LPIN3: variants seen among roughly 807,000 people sequenced by gnomAD.
LPIN3 encodes phosphatidate phosphatase LPIN3.
LPIN3 carries 82 observed loss-of-function variants against 94.7 expected under a neutral mutation model. The observed-to-expected ratio is 0.87, with a 90% CI of 0.72 to 1.04. The LOEUF (loss-of-function observed/expected upper bound fraction) is 1.04, where lower values mean the gene tolerates loss of function less well. LPIN3 is among the 50% of genes least tolerant of loss of function. LPIN3 has a pLI of 0.00. For synonymous variants in LPIN3, 418 were observed against 443.3 expected, an observed-to-expected ratio of 0.94 and a Z score of 0.72; for missense variants, 996 against 1,090.5, an observed-to-expected ratio of 0.91 and a Z score of 1.22.
At position 41,349,816 on chromosome 20, in the gene LPIN3, G is replaced by C. The variant is rs1262061283; in HGVS notation, c.681G>C (p.Glu227Asp). Residue 227 changes from glutamate (E) to aspartate (D), a missense_variant, in exon 6 of 20, where the codon GAG becomes GAC. By Grantham distance (45) the Glu-to-Asp change is conservative. Transcript: ENST00000373257. ...GELTSPKSDS[E>D]LEVRTPEPSP... ...TAACATCCCCTAAGAGCGACTCGGAGCTGGAGGTGCGGACCCCGGAGCCCA... is the reference window on the plus strand; with the variant it reads ...TAACATCCCCTAAGAGCGACTCGGACCTGGAGGTGCGGACCCCGGAGCCCA... 3 of 1,613,714 alleles carry C rather than the reference G, an allele frequency of 1.9e-6. No homozygotes were observed. The South Asian group carries it at 3.3e-5, about 18-fold the overall frequency.
chr20:41,357,148 G>A lies in LPIN3; in HGVS notation c.1912G>A (p.Asp638Asn), dbSNP rs776917907. 34 of 1,614,048 alleles carry A rather than the reference G, an allele frequency of 2.1e-5. No individual in the cohort carries two copies. In the African/African-American group the frequency reaches 3.3e-4, roughly 16 times the overall value. ...CACCATCTACCTGTGGAAATGGGAC[G>A]ACAAGGTGGTCATCTCTGACATCGA... Reference protein sequence around the residue: ...KATIYLWKWDDKVVISDIDGT... With the variant: ...KATIYLWKWDNKVVISDIDGT... The change falls in exon 15 of 20, where the codon GAC (aspartate) becomes AAC (asparagine). Residue 638 changes from aspartate (D) to asparagine (N), a missense_variant. Coordinates refer to ENST00000373257, the MANE Select transcript of LPIN3 (RefSeq NM_022896.3).
Position 41,355,991 on chromosome 20 carries a change from C to G in LPIN3, c.1760C>G (p.Thr587Ser), listed in dbSNP as rs1441863121. ...PSLPPSTPPS[T>S]PTYKKSLRLS... ...TTGCCACCCTCCACTCCACCCTCCA[C>G]TCCTACCTACAAGAAGTCCCTCCGC... The change falls in exon 14 of 20, where the codon ACT becomes AGT. Residue 587 changes from threonine (T) to serine (S), a missense_variant. Transcript: ENST00000373257. The G allele has an allele frequency of 6.2e-7, 1 of 1,614,158 alleles. No homozygotes were observed. Among genetic ancestry groups the G allele is most frequent in the Non-Finnish European group, 8.5e-7 (1 of 1,180,000 alleles).
In LPIN3 at chr20:41,350,345, T is replaced by C. The variant is rs1450977182; in HGVS notation, c.1050T>C (p.Thr350=). 6.2e-7 allele frequency: 1 copy of C among 1,601,824 alleles called. No individual in the cohort carries two copies. The highest frequency in any genetic ancestry group is 8.5e-7 in the Non-Finnish European group (1 of 1,171,278). Residue 350 remains threonine (T), a synonymous_variant, in exon 7 of 20, where the codon ACT becomes ACC. Transcript: ENST00000373257. ...CCTCCAAGTCATGGAGCTGGGCCAC[T>C]CTGGAGGTTCCAGTTCCCACCGGGC... ...PPASKSWSWA[T]LEVPVPTGQP...
chr20:41,347,650 G>C lies in LPIN3; in HGVS notation c.288+3G>C, dbSNP rs369062386. On this transcript the variant is annotated splice_donor_region_variant and intron_variant, in intron 3 of 19. Coordinates refer to ENST00000373257, the MANE Select transcript of LPIN3 (RefSeq NM_022896.3). The stretch of plus-strand genomic sequence containing the variant: ...TTCAGGAGCTGGAGAGCGATGATGT[G>C]AGTCTGCCCTCCTAACAGCACCTGC... The C allele has an allele frequency of 2.0e-5, 33 of 1,611,978 alleles. No homozygotes were observed. The highest frequency in any genetic ancestry group is 2.8e-5 in the Non-Finnish European group (33 of 1,178,774).
In LPIN3 at chr20:41,352,086, G is replaced by A; in HGVS notation, c.1229G>A (p.Trp410Ter). ...QSDSGLGARR[W>*]SEPSSQKSLR... ...GACTCTGGGCTGGGGGCCAGAAGAT[G>A]GAGTGAACCCAGCAGTCAGAAGTCC... The change falls in exon 9 of 20, where the codon TGG (tryptophan) becomes TAG (stop). Residue 410 changes from tryptophan (W) to a stop codon, truncating the protein, a stop_gained. Coordinates refer to ENST00000373257, the MANE Select transcript of LPIN3 (RefSeq NM_022896.3). LOFTEE classifies it high-confidence loss of function. 6.2e-7 allele frequency: 1 copy of A among 1,614,234 alleles called. No individual in the cohort carries two copies. Among genetic ancestry groups the A allele is most frequent in the Middle Eastern group, 1.6e-4 (1 of 6,062 alleles).
chr20:41,341,821 C>A (rs554751001), intron 1 of LPIN3, among the ~76,000 whole-genome samples: 102 of 152,198 alleles, frequency 6.7e-4, no homozygotes, highest in African/African-American at 2.4e-3. Flanking sequence ...ACTAAAAATA[C>A]AAAAAATTAG....
Position 41,348,647 on chromosome 20 carries a change from C to T in LPIN3, c.317C>T (p.Ser106Leu), listed in dbSNP as rs905101589. Residue 106 changes from serine to leucine, a missense_variant, in exon 4 of 20, where the codon TCA (serine) becomes TTA (leucine). By Grantham distance (145) the Ser-to-Leu change is moderately radical. Coordinates refer to ENST00000373257, the MANE Select transcript of LPIN3 (RefSeq NM_022896.3). ...DEHVPPGLCT[S>L]PIPWGGLSGF... The stretch of plus-strand genomic sequence containing the variant: ...CATGTGCCTCCCGGCCTGTGCACCT[C>T]ACCCATCCCTTGGGGGGGTCTGTCT... The T allele has an allele frequency of 3.1e-6, 5 of 1,612,928 alleles. No individual in the cohort carries two copies. The African/African-American group carries it at 6.7e-5, about 22-fold the overall frequency.
At chr20:41,343,822 G>A (rs1034358140) in intron 1 of LPIN3, among the ~76,000 whole-genome samples, 1 of 152,222 alleles carries the variant, frequency 6.6e-6, no homozygotes, top group Non-Finnish European at 1.5e-5. Flanking sequence ...CACTTTGGTA[G>A]GCCAAGGTGG....
At position 41,348,799 on chromosome 20, in the gene LPIN3, G is replaced by A. The variant is rs763265001; in HGVS notation, c.469G>A (p.Val157Met). Residue 157 changes from valine to methionine, a missense_variant, in exon 4 of 20, where the codon GTG becomes ATG. Coordinates refer to ENST00000373257, the MANE Select transcript of LPIN3 (RefSeq NM_022896.3). Reference protein sequence around the residue: ...RRKPKQKEDAVATDSSPEELE... With the variant: ...RRKPKQKEDAMATDSSPEELE... ...GAAACCCAAGCAGAAAGAGGATGCA[G>A]TGGCAACTGATTCTAGTCCAGAGGA... 6.2e-7 allele frequency: 1 copy of A among 1,612,322 alleles called. No homozygotes were observed. The highest frequency in any genetic ancestry group is 8.5e-7 in the Non-Finnish European group (1 of 1,179,332).
At chr20:41,358,627 C>G (rs2046301770) in intron 19 of LPIN3, 85 bp downstream of exon 19, 1 of 1,603,764 alleles carries the variant, frequency 6.2e-7, no homozygotes, top group Non-Finnish European at 8.5e-7. Context: ...TTACCTCTTA[C>G]CGGGGAGTCT....
chr20:41,355,844 G>A, intron 13 of LPIN3, 52 bp from the exon 14 acceptor site: 12 of 1,605,436 alleles, frequency 7.5e-6, no homozygotes, highest in Middle Eastern at 1.7e-4. Flanking sequence ...TCTCCCGGGA[G>A]TGAAGGCCCT....
chr20:41,352,453 A>G (rs2046056005), intron 9 of LPIN3, among the ~76,000 whole-genome samples, 153 bp from the exon 10 acceptor site: 2 of 152,204 alleles, frequency 1.3e-5, no homozygotes, highest in African/African-American at 4.8e-5. Flanking sequence ...TGGGGTGGGA[A>G]CAGGTGTAAA....
rs2046327724 is a variant in LPIN3 at position 41,359,532 on chromosome 20, A to C, written c.*666A>C. The C allele has an allele frequency of 6.6e-6, 1 of 152,200 alleles. No individual in the cohort carries two copies. The highest frequency in any genetic ancestry group is 1.5e-5 in the Non-Finnish European group (1 of 68,064). 9.4% of individuals were successfully genotyped at this position (152,200 alleles called of 1,614,324 possible). ...AGGACAGGGAGAAGAGGGAGGCCCT[A>C]CCGAGGCTCGAGGCTTCAGTGAAGG... On this transcript the variant is annotated 3_prime_UTR_variant, in exon 20 of 20. Coordinates refer to ENST00000373257, the MANE Select transcript of LPIN3 (RefSeq NM_022896.3).
At position 41,357,397 on chromosome 20, in the gene LPIN3, GA is replaced by G. The variant is rs1271591320; in HGVS notation, c.1992del (p.Asp665ThrfsTer16). ...TGGGCCATATCCTGCCCCAGCTGGG[GA>G]AAGACTGGACACACCAGGGCATCAC... ...ALGHILPQLG[K>X]DWTHQGITSL... is the part of the protein sequence containing the mutation. On this transcript the variant is annotated frameshift_variant, in exon 16 of 20. Transcript: ENST00000373257. LOFTEE classifies it high-confidence loss of function. 1.9e-6 allele frequency: 3 copies of G among 1,613,936 alleles called. No homozygotes were observed. Among genetic ancestry groups the G allele is most frequent in the Non-Finnish European group, 2.5e-6 (3 of 1,180,006 alleles).
In LPIN3 at chr20:41,352,881, C is replaced by T. The variant is rs1668298934; in HGVS notation, c.1527+14C>T. On this transcript the variant is annotated intron_variant, in intron 11 of 19. Transcript: ENST00000373257. ...AACTTGCCCAAGGTAATGGTTAGAGCACCACTGCCCCTGCTGGGGAAGGTA... is the reference window on the plus strand; with the variant it reads ...AACTTGCCCAAGGTAATGGTTAGAGTACCACTGCCCCTGCTGGGGAAGGTA... 1.2e-6 allele frequency: 2 copies of T among 1,613,558 alleles called. No individual in the cohort carries two copies. The highest frequency in any genetic ancestry group is 2.7e-5 in the African/African-American group (2 of 74,916).
At chr20:41,347,390 C>G (rs765114421) in intron 2 of LPIN3, among the ~76,000 whole-genome samples, 162 bp from the exon 3 acceptor site, 3 of 152,112 alleles carry the variant, frequency 2.0e-5, no homozygotes, top group Non-Finnish European at 4.4e-5. Flanking sequence ...GCAGAGCCCC[C>G]CTTCGTGGGG....
intron 11 of LPIN3, among the ~76,000 whole-genome samples, chr20:41,354,103 C>T (rs7269761): frequency 0.041 from 6,285 of 152,282 alleles, 183 homozygotes; most frequent in African/African-American, 0.071. Context: ...CTGGGGTTAT[C>T]TATAATAGCA....
Position 41,350,011 on chromosome 20 carries a change from G to A in LPIN3, c.760-44G>A, listed in dbSNP as rs766946920. On this transcript the variant is annotated intron_variant, in intron 6 of 19. Coordinates refer to ENST00000373257, the MANE Select transcript of LPIN3 (RefSeq NM_022896.3). The stretch of plus-strand genomic sequence containing the variant: ...TGCCCCAAAAGCTTTGTGGGGCATG[G>A]GCCTTACCCTGGCCCACATCTTCCT... The A allele has an allele frequency of 4.5e-6, 7 of 1,562,770 alleles. No homozygotes were observed. In the South Asian group the frequency reaches 8.3e-5, roughly 18 times the overall value.
chr20:41,357,203 G>T lies in LPIN3; in HGVS notation c.1952+15G>T, dbSNP rs1366154545. 4 of 1,613,664 alleles carry T rather than the reference G, an allele frequency of 2.5e-6. No homozygotes were observed. The South Asian group carries it at 4.4e-5, about 18-fold the overall frequency. ...ACCATCACCAAGTGAGGCCCACCCA[G>T]CTGTGGGAAGGGGAGGGAGAGGGGT... On this transcript the variant is annotated intron_variant, in intron 15 of 19. Coordinates refer to ENST00000373257, the MANE Select transcript of LPIN3 (RefSeq NM_022896.3).
Sources: allele counts gnomAD v4.1 joint callset (sites outside exome capture counted in the v4.1 genomes callset), GRCh38; gene constraint gnomAD v4.1.1; transcripts MANE v1.5; gene names NCBI Gene and HGNC (gene_info 2026-07-23, HGNC 2026-07-21).